Variants in MAP3K5 observed in about 807,000 individuals in gnomAD.
The protein encoded by MAP3K5 is ASK-1.
MAP3K5 carries 56 observed loss-of-function variants against 158.7 expected under a neutral mutation model. The observed-to-expected ratio is 0.35, with a 90% CI of 0.28 to 0.44. The LOEUF is 0.44. MAP3K5 is among the 20% of genes least tolerant of loss of function. MAP3K5 has a pLI of 1.00. For missense variants in MAP3K5, 1,294 were observed against 1,674.8 expected (o/e 0.77, Z 3.97); for synonymous variants, 579 against 601.7 (o/e 0.96, Z 0.55).
intron 9 of MAP3K5, among the ~76,000 whole-genome samples, chr6:136,658,313 CT>C (rs57535051): frequency 0.074 from 6,656 of 90,458 alleles, 283 homozygotes; most frequent in East Asian, 0.26. Context: ...TTCTTTCTTT[CT>C]TTTTTTTTTT....
chr6:136,779,002 C>CA (rs1784503698), intron 1 of MAP3K5, among the ~76,000 whole-genome samples: 1 of 151,880 alleles, frequency 6.6e-6, no homozygotes, highest in African/African-American at 2.4e-5. Context: ...CTTGTCTCTA[C>CA]AAAAAATAAA....
chr6:136,633,599 A>C (rs1777482240), intron 14 of MAP3K5, among the ~76,000 whole-genome samples: 1 of 152,012 alleles, frequency 6.6e-6, no homozygotes. Flanking sequence ...CTTGAATCAG[A>C]AGGAAGAAGG....
intron 8 of MAP3K5, among the ~76,000 whole-genome samples, chr6:136,663,781 T>C (rs1779109897): frequency 6.6e-6 from 1 of 152,054 alleles, no homozygotes; most frequent in Non-Finnish European, 1.5e-5. Context: ...GGCTAATTTT[T>C]GTATTTTTTT....
chr6:136,598,186 T>C (rs1039220784), intron 21 of MAP3K5, among the ~76,000 whole-genome samples: 1 of 152,236 alleles, frequency 6.6e-6, no homozygotes, highest in Admixed American at 6.5e-5. Context: ...AAGCCTCCCT[T>C]AACACACAGT....
Position 136,592,534 on chromosome 6 carries a change from G to C in MAP3K5, c.2959C>G (p.Pro987Ala), listed in dbSNP as rs779795211. The C allele has an allele frequency of 6.2e-6, 10 of 1,608,916 alleles. No individual in the cohort carries two copies. The highest frequency in any genetic ancestry group is 7.7e-6 in the Non-Finnish European group (9 of 1,175,322). ...GGGTCCACTTTCAACTCCGTGTCGGGTGAAACTGAGCCGTACTCACTGCTG... is the reference window on the plus strand; with the variant it reads ...GGGTCCACTTTCAACTCCGTGTCGGCTGAAACTGAGCCGTACTCACTGCTG... ...SSSSEYGSVS[P>A]DTELKVDPFS... Residue 987 changes from proline (P) to alanine (A), a missense_variant, in exon 22 of 30, where the codon CCC becomes GCC. This residue lies in a region of MAP3K5 where 362 missense variants were observed against 463.2 expected (regional missense o/e 0.78). Transcript: ENST00000359015.
chr6:136,631,073 TG>T (rs1447614297), intron 14 of MAP3K5, among the ~76,000 whole-genome samples: 4 of 152,158 alleles, frequency 2.6e-5, no homozygotes, highest in Non-Finnish European at 5.9e-5. Flanking sequence ...CACTCCAGCC[TG>T]GGGGACAGAG....
At chr6:136,639,146 G>A (rs1777795714) in intron 13 of MAP3K5, among the ~76,000 whole-genome samples, 1 of 152,028 alleles carries the variant, frequency 6.6e-6, no homozygotes, top group African/African-American at 2.4e-5. Flanking sequence ...AGCCTACCAG[G>A]TGGATCTAAC....
At chr6:136,757,599 T>A (rs1411103890) in intron 1 of MAP3K5, among the ~76,000 whole-genome samples, 2 of 149,054 alleles carry the variant, frequency 1.3e-5, no homozygotes, top group African/African-American at 2.5e-5. Flanking sequence ...TTTTTTTTTT[T>A]TTTTTGAGAC....
At chr6:136,743,527 C>T (rs923269747) in intron 1 of MAP3K5, among the ~76,000 whole-genome samples, 25 of 152,270 alleles carry the variant, frequency 1.6e-4, no homozygotes, top group African/African-American at 3.9e-4. Flanking sequence ...AAAACACTGA[C>T]GCCATCAAAG....
chr6:136,563,345 C>G (rs906084401), intron 26 of MAP3K5, among the ~76,000 whole-genome samples: 2 of 152,150 alleles, frequency 1.3e-5, no homozygotes, highest in Non-Finnish European at 2.9e-5. Flanking sequence ...GGCAAATGTG[C>G]ATAATTTCAT....
intron 25 of MAP3K5, among the ~76,000 whole-genome samples, chr6:136,568,871 A>C (rs1346674821): frequency 6.6e-6 from 1 of 151,606 alleles, no homozygotes; most frequent in African/African-American, 2.4e-5. Context: ...AAAAAAAAAA[A>C]AAAAAAAAAA....
chr6:136,791,418 ATC>A (rs1332063176), intron 1 of MAP3K5, among the ~76,000 whole-genome samples: 1 of 152,082 alleles, frequency 6.6e-6, no homozygotes, highest in Non-Finnish European at 1.5e-5. Context: ...TGGGGCAAAT[ATC>A]TCACACTGCT....
intron 8 of MAP3K5, among the ~76,000 whole-genome samples, chr6:136,666,443 G>A (rs1779234504): frequency 6.6e-6 from 1 of 152,116 alleles, no homozygotes; most frequent in African/African-American, 2.4e-5. Context: ...ATAAGAACTC[G>A]GTAATTCGGA....
At chr6:136,656,184 A>G (rs752991596) in intron 10 of MAP3K5, 123 bp downstream of exon 10, 2 of 735,982 alleles carry the variant, frequency 2.7e-6, no homozygotes, top group South Asian at 1.6e-5. Flanking sequence ...GGAAATAAAG[A>G]TATTAACCAG....
At chr6:136,705,249 T>G (rs1781022949) in intron 2 of MAP3K5, 116 bp from the exon 3 acceptor site, 1 of 500,398 alleles carries the variant, frequency 2.0e-6, no homozygotes. Context: ...AATTAGAAAT[T>G]TTAGGAACTG....
chr6:136,562,069 A>G (rs1028560554), intron 27 of MAP3K5, among the ~76,000 whole-genome samples: 9 of 152,236 alleles, frequency 5.9e-5, no homozygotes, highest in Admixed American at 1.3e-4. Flanking sequence ...TAAATGGGCT[A>G]AATAACATTC....
chr6:136,655,682 T>G (rs1227323847), intron 10 of MAP3K5, among the ~76,000 whole-genome samples: 1 of 150,820 alleles, frequency 6.6e-6, no homozygotes, highest in Non-Finnish European at 1.5e-5. Context: ...TGGCACCATC[T>G]GAGAAGAGCA....
chr6:136,569,804 A>G (rs541395971), intron 25 of MAP3K5, among the ~76,000 whole-genome samples: 1 of 152,332 alleles, frequency 6.6e-6, no homozygotes, highest in South Asian at 2.1e-4. Flanking sequence ...TTTTGTCAAC[A>G]ATATCTTCCC....
intron 9 of MAP3K5, among the ~76,000 whole-genome samples, chr6:136,657,634 C>T (rs1778808941): frequency 6.6e-6 from 1 of 152,088 alleles, no homozygotes; most frequent in Non-Finnish European, 1.5e-5. Context: ...AGAGAGACAA[C>T]TTAAAAAGCT....
Sources: gnomAD v4.1 joint callset for allele counts (sites outside exome capture counted in the v4.1 genomes callset) on GRCh38, gnomAD v4.1.1 for gene constraint, gnomAD v4.1.1 regional missense constraint, MANE v1.5 for transcripts, NCBI Gene and HGNC (gene_info 2026-07-23, HGNC 2026-07-21) for gene names.